Variants in RUNX3 observed in about 807,000 individuals in gnomAD.
The protein encoded by RUNX3 is runt-related transcription factor 3.
Under a neutral mutation model 27.7 loss-of-function variants are expected in RUNX3, and 10 were observed. The ratio of observed to expected loss-of-function variants is 0.36; its 90% CI spans 0.22 to 0.61. RUNX3 has a LOEUF of 0.61. Among genes scored for constraint, RUNX3 ranks in the 20% least tolerant of loss-of-function variants. RUNX3 has a pLI of 0.72. For synonymous variants in RUNX3, 270 were observed against 269.2 expected (o/e 1.00, Z -0.03); for missense variants, 469 against 629.5 (o/e 0.75, Z 2.73).
chr1:24,958,123 T>C (rs935072073), intron 2 of RUNX3, among the ~76,000 whole-genome samples: 3 of 152,214 alleles, frequency 2.0e-5, no homozygotes, highest in Admixed American at 6.5e-5. Context: ...GAGGCCGGCC[T>C]GTGCCAGGCC....
rs532270177 is a variant in RUNX3 at position 24,904,924 on chromosome 1, A to G, written c.704-2258T>C. ...TGCCCGGGGCACTGTCGAGTGGCCA[A>G]TCCCAACAGTGGAAAGAAATGTTTA... On this transcript the variant is annotated intron_variant, in intron 4 of 4. Transcript: ENST00000308873. This position sits in a 1 kb window ranked among gnomAD's most constrained non-coding sequence, Gnocchi z 5.7. 3.9e-5 allele frequency among the ~76,000 whole-genome samples: 6 copies of G among 152,314 alleles called. No homozygotes were observed. In the South Asian group the frequency reaches 6.2e-4, roughly 16 times the overall value.
At position 24,904,986 on chromosome 1, in the gene RUNX3, G is replaced by T. The variant is rs1199834710; in HGVS notation, c.703+2273C>A. 6.6e-6 allele frequency among the ~76,000 whole-genome samples: 1 copy of T among 152,218 alleles called. No homozygotes were observed. The highest frequency in any genetic ancestry group is 1.5e-5 in the Non-Finnish European group (1 of 68,046). On this transcript the variant is annotated intron_variant, in intron 4 of 4. Transcript: ENST00000308873. This position sits in a 1 kb window ranked among gnomAD's most constrained non-coding sequence, Gnocchi z 5.7. ...AGATTGTCCGGGCTGCTGCATGGTG[G>T]CTGAATGAGCCCTTTCAGCTGTGAG...
In RUNX3 at chr1:24,902,151, T is replaced by C. The variant is rs747787589; in HGVS notation, c.1219A>G (p.Met407Val). The change falls in exon 5 of 5, where the codon ATG becomes GTG. Residue 407 changes from methionine (M) to valine (V), a missense_variant. Transcript: ENST00000308873. The surrounding 1 kb of genome is among the most constrained non-coding windows in gnomAD (Gnocchi z 9.2). Reference sequence around the variant, plus strand: ...TAGGGCCGCCACACGGCCTCATCCATGCGGCCTGGCGTGCTCAGGGCCGTG... The same window carrying C: ...TAGGGCCGCCACACGGCCTCATCCACGCGGCCTGGCGTGCTCAGGGCCGTG... The part of the protein sequence containing the change: ...SPTALSTPGR[M>V]DEAVWRPY The C allele has an allele frequency of 1.6e-5, 25 of 1,566,948 alleles. No homozygotes were observed. Among genetic ancestry groups the C allele is most frequent in the Admixed American group, 3.6e-5 (2 of 54,998 alleles).
At position 24,900,699 on chromosome 1, in the gene RUNX3, T is replaced by G. The variant is rs1473686130; in HGVS notation, c.*1423A>C. ...TCCTGCCCACCTCCGCCCAGCCTCC[T>G]GGACAGATGTCCTAGAGCCACAGAG... On this transcript the variant is annotated 3_prime_UTR_variant, in exon 5 of 5. Coordinates refer to ENST00000308873, the MANE Select transcript of RUNX3 (RefSeq NM_004350.3). 2 of 152,460 alleles carry G rather than the reference T, an allele frequency of 1.3e-5. No individual in the cohort carries two copies. Among genetic ancestry groups the G allele is most frequent in the African/African-American group, 4.8e-5 (2 of 41,450 alleles). The allele number at this position is 152,460 out of a possible 1,614,324, so 9.4% of individuals were successfully genotyped here. A position where few individuals can be genotyped will look rare whatever the true frequency, so the allele number is the denominator to read the frequency against.
At chr1:24,958,367 A>G (rs1236926480) in intron 2 of RUNX3, among the ~76,000 whole-genome samples, 2 of 152,206 alleles carry the variant, frequency 1.3e-5, no homozygotes, top group Admixed American at 6.5e-5. Flanking sequence ...GGAGGCAAGG[A>G]AAGTCAGTTT....
chr1:24,922,130 C>T (rs1341854832), intron 2 of RUNX3, among the ~76,000 whole-genome samples: 1 of 151,340 alleles, frequency 6.6e-6, no homozygotes, highest in Non-Finnish European at 1.5e-5. Context: ...CTTTTTTTCC[C>T]TTCCTTCTTT....
intron 2 of RUNX3, among the ~76,000 whole-genome samples, chr1:24,957,219 G>T (rs915779583): frequency 3.9e-5 from 6 of 152,226 alleles, no homozygotes; most frequent in Non-Finnish European, 5.9e-5. Context: ...CGATTGGACC[G>T]GAGTGCTCAG....
At chr1:24,930,456 C>T (rs376986523), upstream of RUNX3, among the ~76,000 whole-genome samples, 2 of 151,774 alleles carry the variant, frequency 1.3e-5, no homozygotes, top group East Asian at 3.9e-4. The surrounding 1 kb of genome is among the most constrained non-coding windows in gnomAD (Gnocchi z 4.1). Context: ...GGCGCCACCC[C>T]GCGGAGGAGG....
At chr1:24,933,841 C>T (rs963276790), upstream of RUNX3, among the ~76,000 whole-genome samples, 1 of 152,208 alleles carries the variant, frequency 6.6e-6, no homozygotes, top group African/African-American at 2.4e-5. Context: ...CCGAATCACA[C>T]AGGAGCCTAG....
chr1:24,910,436 T>C (rs1002983654), intron 3 of RUNX3, among the ~76,000 whole-genome samples: 9 of 152,080 alleles, frequency 5.9e-5, no homozygotes, highest in African/African-American at 2.2e-4. Context: ...CAGAACTCAC[T>C]GCGCTTCTTG....
At chr1:24,963,001 T>C (rs1642158951) in intron 2 of RUNX3, 1 of 152,218 alleles carries the variant, frequency 6.6e-6, no homozygotes, top group Admixed American at 6.5e-5. Context: ...CTCCGAGGAC[T>C]ACAAAGGGAA....
intron 3 of RUNX3, among the ~76,000 whole-genome samples, chr1:24,908,491 A>T (rs532098040): frequency 1.1e-4 from 16 of 144,998 alleles, no homozygotes; most frequent in African/African-American, 2.3e-4. Flanking sequence ...TACAAAAATT[A>T]AAAAAAAAAA....
At chr1:24,913,924 C>T (rs894193985) in intron 3 of RUNX3, among the ~76,000 whole-genome samples, 8 of 152,242 alleles carry the variant, frequency 5.3e-5, no homozygotes, top group East Asian at 1.9e-4. Flanking sequence ...CATGATGTGC[C>T]GGGCACTGTG....
At chr1:24,907,991 G>A (rs566941745) in intron 3 of RUNX3, among the ~76,000 whole-genome samples, 7 of 150,466 alleles carry the variant, frequency 4.7e-5, no homozygotes, top group East Asian at 2.0e-4. Flanking sequence ...TACAACACGC[G>A]GTGATCTAAA....
At chr1:24,951,479 C>T (rs1641764603) in intron 2 of RUNX3, among the ~76,000 whole-genome samples, 1 of 152,150 alleles carries the variant, frequency 6.6e-6, no homozygotes, top group East Asian at 1.9e-4. Flanking sequence ...GATTACTGGC[C>T]CATTTCTCAG....
intron 3 of RUNX3, among the ~76,000 whole-genome samples, chr1:24,913,595 G>C (rs754331261): frequency 6.6e-6 from 1 of 152,246 alleles, no homozygotes; most frequent in African/African-American, 2.4e-5. Context: ...CTGTGCAGTG[G>C]GGGTGACCCA....
rs1640540239 is a variant in RUNX3 at position 24,901,118 on chromosome 1, G to C, written c.*1004C>G. On this transcript the variant is annotated 3_prime_UTR_variant, in exon 5 of 5. Transcript: ENST00000308873. ...GACAGGTGTGTGCCAGGAGTCGCAA[G>C]ATTTGGCTGGATCCTCCCAGGAGGC... The C allele has an allele frequency of 7.0e-6, 1 of 142,454 alleles. No individual in the cohort carries two copies. The highest frequency in any genetic ancestry group is 2.7e-5 in the African/African-American group (1 of 37,626). The allele number at this position is 142,454 out of a possible 1,614,324, so 8.8% of individuals were successfully genotyped here.
rs575877931 is a variant in RUNX3 at position 24,912,557 on chromosome 1, C to T, written c.545-5140G>A. Reference sequence around the variant, plus strand: ...GGCTAGGGCTGTCCTTTAAAGCAGTCGCCAGCAGGAGTGGAAATCATCAAA... The same window carrying T: ...GGCTAGGGCTGTCCTTTAAAGCAGTTGCCAGCAGGAGTGGAAATCATCAAA... On this transcript the variant is annotated intron_variant, in intron 3 of 4. Transcript: ENST00000308873. Among the ~76,000 whole-genome samples the T allele has an allele frequency of 9.2e-5, 14 of 152,174 alleles. 1 individual carries two copies. In the East Asian group the frequency reaches 9.7e-4, roughly 11 times the overall value.
intron 2 of RUNX3, among the ~76,000 whole-genome samples, chr1:24,935,348 G>A (rs1271161032): frequency 1.3e-5 from 2 of 152,144 alleles, no homozygotes; most frequent in South Asian, 2.1e-4. Flanking sequence ...TAGGACCCCA[G>A]GGTTTGGTTG....
Sources: allele counts gnomAD v4.1 joint callset (sites outside exome capture counted in the v4.1 genomes callset), GRCh38; gene constraint gnomAD v4.1.1; non-coding constraint Gnocchi (gnomAD v3.1); transcripts MANE v1.5; gene names NCBI Gene and HGNC (gene_info 2026-07-23, HGNC 2026-07-21).